The following PDS5B variants were observed in gnomAD, a reference collection of about 807,000 sequenced individuals.
The protein encoded by PDS5B is PDS5 cohesin associated factor B, also known as sister chromatid cohesion protein PDS5 homolog B.
A neutral mutation model predicts 184.1 loss-of-function variants in PDS5B; 51 were observed. The observed-to-expected ratio is 0.28, with a 90% confidence interval of 0.22 to 0.35. The LOEUF (loss-of-function observed/expected upper bound fraction) is 0.35, where lower values mean the gene tolerates loss of function less well. Ranked by LOEUF, PDS5B falls within the 10% of genes least tolerant of loss-of-function variation. The pLI, the probability that PDS5B is intolerant of heterozygous loss-of-function variation, is 1.00. For missense variants in PDS5B, 1,180 were observed against 1,723.3 expected, an observed-to-expected ratio of 0.68 and a Z score of 5.58; for synonymous variants, 566 against 569.2, an observed-to-expected ratio of 0.99 and a Z score of 0.08.
chr13:32,620,084 C>T (rs1438685693), intron 1 of PDS5B, among the ~76,000 whole-genome samples: 2 of 152,066 alleles, frequency 1.3e-5, no homozygotes, highest in Non-Finnish European at 2.9e-5. Context: ...CAGTCATGAG[C>T]CAATGCACCC....
intron 33 of PDS5B, chr13:32,771,063 G>T: frequency 4.3e-6 from 1 of 232,030 alleles, no homozygotes; most frequent in Non-Finnish European, 8.2e-6. Context: ...ACATTGACCA[G>T]GTTGCCTTGT....
chr13:32,747,140 G>C (rs187687233), intron 24 of PDS5B, among the ~76,000 whole-genome samples: 1 of 152,184 alleles, frequency 6.6e-6, no homozygotes, highest in Non-Finnish European at 1.5e-5. Context: ...CTTTATATTT[G>C]GGCTGTACCG....
At chr13:32,593,453 G>A (rs1049808397) in intron 1 of PDS5B, among the ~76,000 whole-genome samples, 3 of 152,212 alleles carry the variant, frequency 2.0e-5, no homozygotes, top group Non-Finnish European at 4.4e-5. Context: ...CGACTCTCAT[G>A]TCTCAGCCTC....
intron 6 of PDS5B, among the ~76,000 whole-genome samples, chr13:32,661,911 G>A (rs1950660249): frequency 1.3e-5 from 2 of 152,228 alleles, no homozygotes; most frequent in South Asian, 4.1e-4. Context: ...ATGATCCTGG[G>A]ATGATCAGGA....
intron 11 of PDS5B, among the ~76,000 whole-genome samples, chr13:32,685,891 C>T (rs1419090426): frequency 2.6e-5 from 4 of 151,766 alleles, no homozygotes; most frequent in Non-Finnish European, 5.9e-5. Flanking sequence ...CCTCCCACCT[C>T]GGCCTCCCAA....
chr13:32,713,841 T>G (rs1952282653), intron 19 of PDS5B, among the ~76,000 whole-genome samples: 1 of 152,168 alleles, frequency 6.6e-6, no homozygotes, highest in Non-Finnish European at 1.5e-5. Flanking sequence ...TTTGCTAAAT[T>G]TTCAGGGATT....
intron 19 of PDS5B, among the ~76,000 whole-genome samples, chr13:32,718,154 A>ATTT (rs142627515): frequency 3.3e-5 from 5 of 150,196 alleles, no homozygotes; most frequent in South Asian, 2.1e-4. Context: ...AGGGCTTCTG[A>ATTT]ATTTTTTTTT....
rs567685880 is a variant in PDS5B at position 32,587,476 on chromosome 13, C to T, written c.-20+883C>T. On this transcript the variant is annotated intron_variant, in intron 1 of 34. Coordinates refer to ENST00000315596, the MANE Select transcript of PDS5B (RefSeq NM_015032.4). ...AATGTTACTTTAAAAGTTTTCGGTC[C>T]GGAGAAAAACCTTGTTTGTTGTTGT... Among the ~76,000 whole-genome samples the T allele has an allele frequency of 5.9e-5, 9 of 152,286 alleles. No individual in the cohort carries two copies. The South Asian group carries it at 1.2e-3, about 21-fold the overall frequency.
At chr13:32,619,764 A>G (rs2058269975) in intron 1 of PDS5B, among the ~76,000 whole-genome samples, 1 of 152,102 alleles carries the variant, frequency 6.6e-6, no homozygotes, top group Admixed American at 6.6e-5. Flanking sequence ...AAATGTAATA[A>G]TTTTCTCCAC....
intron 1 of PDS5B, among the ~76,000 whole-genome samples, chr13:32,591,440 A>G (rs114744855): frequency 0.019 from 2,957 of 152,172 alleles, 71 homozygotes; most frequent in African/African-American, 0.061. Context: ...TTTAACTGTG[A>G]TTTACTTTTT....
intron 18 of PDS5B, 33 bp from the exon 19 acceptor site, chr13:32,709,912 GT>G: frequency 8.0e-7 from 1 of 1,249,452 alleles, no homozygotes; most frequent in Non-Finnish European, 1.1e-6. Context: ...AGATGAAAAA[GT>G]TTTACAAATC....
chr13:32,706,910 A>G (rs1462218260), intron 17 of PDS5B, 24 bp from the exon 18 acceptor site: 1 of 1,473,850 alleles, frequency 6.8e-7, no homozygotes, highest in African/African-American at 1.4e-5. Context: ...ATTTGAAAAA[A>G]TGACTTTTTT....
chr13:32,721,270 G>GC (rs912585021), intron 19 of PDS5B, among the ~76,000 whole-genome samples: 1 of 148,142 alleles, frequency 6.8e-6, no homozygotes, highest in East Asian at 2.0e-4. Flanking sequence ...GGGCGGGGGC[G>GC]CCCCCCACCT....
intron 31 of PDS5B, among the ~76,000 whole-genome samples, chr13:32,766,662 G>A (rs1824406054): frequency 1.3e-5 from 2 of 151,992 alleles, no homozygotes; most frequent in Admixed American, 1.3e-4. Context: ...TTCCATATAC[G>A]TTTGTATTTA....
chr13:32,594,679 T>C (rs1176189677), intron 1 of PDS5B, among the ~76,000 whole-genome samples: 1 of 152,240 alleles, frequency 6.6e-6, no homozygotes, highest in Non-Finnish European at 1.5e-5. Context: ...CAATGCTTTT[T>C]GAAGTCTTAA....
intron 6 of PDS5B, among the ~76,000 whole-genome samples, chr13:32,665,366 C>T (rs1290818220): frequency 2.6e-5 from 4 of 151,600 alleles, no homozygotes; most frequent in Non-Finnish European, 4.4e-5. Flanking sequence ...CCGAGGCGGG[C>T]AGATCACGAG....
rs763398060 is a variant in PDS5B at position 32,746,043 on chromosome 13, C to T, written c.2679C>T (p.Pro893=). ...GSAIVKLAQE[P]CYHEIITLEQ... ...CTATTGTGAAGCTGGCACAAGAACCCTGTTACCATGAAATCATCACATTAG... is the reference window on the plus strand; with the variant it reads ...CTATTGTGAAGCTGGCACAAGAACCTTGTTACCATGAAATCATCACATTAG... Residue 893 remains proline (P), a synonymous_variant, in exon 24 of 35, where the codon CCC becomes CCT. Coordinates refer to ENST00000315596, the MANE Select transcript of PDS5B (RefSeq NM_015032.4). The T allele has an allele frequency of 7.4e-6, 12 of 1,613,198 alleles. No individual in the cohort carries two copies. The highest frequency in any genetic ancestry group is 1.0e-5 in the Non-Finnish European group (12 of 1,179,188).
chr13:32,770,586 A>G, intron 32 of PDS5B, 26 bp downstream of exon 32: 1 of 1,601,112 alleles, frequency 6.2e-7, no homozygotes. Flanking sequence ...TCTAAACTGC[A>G]TCTGTTTCGT....
In PDS5B at chr13:32,648,604, A is replaced by G. The variant is rs981311684; in HGVS notation, c.-19-150A>G. 1.1e-4 allele frequency: 59 copies of G among 530,552 alleles called. 2 individuals carry two copies. In the Middle Eastern group the frequency reaches 2.1e-3, roughly 19 times the overall value. The allele number at this position is 530,552 out of a possible 1,614,324, so 32.9% of individuals were successfully genotyped here. A position where few individuals can be genotyped will look rare whatever the true frequency, so the allele number is the denominator to read the frequency against. On this transcript the variant is annotated intron_variant, in intron 1 of 34. Coordinates refer to ENST00000315596, the MANE Select transcript of PDS5B (RefSeq NM_015032.4). ...TAAAAATAATTTGGGGAAATGTTCAATAGAGTGATTTTCATTAAATGGTAA... is the reference window on the plus strand; with the variant it reads ...TAAAAATAATTTGGGGAAATGTTCAGTAGAGTGATTTTCATTAAATGGTAA...
Sources: gnomAD v4.1 joint callset for allele counts (sites outside exome capture counted in the v4.1 genomes callset) on GRCh38, gnomAD v4.1.1 for gene constraint, MANE v1.5 for transcripts, NCBI Gene and HGNC (gene_info 2026-07-23, HGNC 2026-07-21) for gene names.